Variants in TRDN observed in about 807,000 individuals in gnomAD.
TRDN encodes triadin in skeletal muscle.
In TRDN, 161 loss-of-function variants were observed where a neutral mutation model predicts 149.7. The ratio of observed to expected loss-of-function variants is 1.08; its 90% CI spans 0.95 to 1.23. The LOEUF (loss-of-function observed/expected upper bound fraction) is 1.23. Ranked by LOEUF, TRDN falls within the 50% of genes most tolerant of loss-of-function variation. The probability of loss-of-function intolerance (pLI) is 0.00; values close to 1 mark genes in which losing one functional copy is unlikely to be tolerated. For synonymous variants in TRDN, 294 were observed against 250.5 expected (o/e 1.17, Z -1.64); for missense variants, 896 against 823.5 (o/e 1.09, Z -1.08).
At chr6:123,260,495 G>A (rs1562234653) in intron 34 of TRDN, 117 bp downstream of exon 34, 2 of 1,150,046 alleles carry the variant, frequency 1.7e-6, no homozygotes, top group Non-Finnish European at 2.4e-6. Flanking sequence ...CTGTAGAACA[G>A]AATATCTGGA....
At chr6:123,289,311 C>T (rs1777916140) in intron 24 of TRDN, among the ~76,000 whole-genome samples, 1 of 151,258 alleles carries the variant, frequency 6.6e-6, no homozygotes, top group Non-Finnish European at 1.5e-5. Flanking sequence ...AAGGTGGTTA[C>T]CAGAGGGTAG....
At chr6:123,458,285 G>T (rs1270303788) in intron 10 of TRDN, among the ~76,000 whole-genome samples, 2 of 152,134 alleles carry the variant, frequency 1.3e-5, no homozygotes, top group Non-Finnish European at 1.5e-5. Context: ...ATTCGGGTAG[G>T]CTTTGGTAAC....
chr6:123,247,912 T>C (rs1169183162), intron 38 of TRDN, among the ~76,000 whole-genome samples: 3 of 151,924 alleles, frequency 2.0e-5, no homozygotes, highest in Non-Finnish European at 2.9e-5. Context: ...TATAGACCAA[T>C]GGGACAGAAC....
intron 23 of TRDN, among the ~76,000 whole-genome samples, chr6:123,327,428 A>G (rs1399692211): frequency 6.6e-6 from 1 of 152,122 alleles, no homozygotes; most frequent in Non-Finnish European, 1.5e-5. Context: ...ATGAATCTAT[A>G]CATTACTTTA....
intron 12 of TRDN, among the ~76,000 whole-genome samples, chr6:123,410,356 C>T (rs1254891571): frequency 6.6e-6 from 1 of 152,120 alleles, no homozygotes; most frequent in Non-Finnish European, 1.5e-5. Flanking sequence ...TCCCCTTTTG[C>T]AAGCACCTAG....
chr6:123,443,708 G>A (rs1048361977), intron 10 of TRDN, among the ~76,000 whole-genome samples: 11 of 151,076 alleles, frequency 7.3e-5, no homozygotes, highest in South Asian at 2.1e-4. Context: ...AAGGTGTAAG[G>A]AAGGCATCTA....
intron 10 of TRDN, among the ~76,000 whole-genome samples, chr6:123,460,011 G>A (rs1776359356): frequency 6.6e-6 from 1 of 152,184 alleles, no homozygotes; most frequent in Admixed American, 6.5e-5. Flanking sequence ...CCCATGGGCA[G>A]TATTCTCCTA....
intron 13 of TRDN, among the ~76,000 whole-genome samples, chr6:123,391,491 A>C (rs1782111853): frequency 6.6e-6 from 1 of 151,976 alleles, no homozygotes; most frequent in African/African-American, 2.4e-5. Flanking sequence ...CTCATGTCTT[A>C]ATAGAAACAA....
intron 24 of TRDN, among the ~76,000 whole-genome samples, chr6:123,293,499 T>C (rs972772271): frequency 6.6e-6 from 1 of 152,030 alleles, no homozygotes; most frequent in Admixed American, 6.6e-5. Flanking sequence ...TAGGAGACCA[T>C]ATATGGTGCA....
intron 12 of TRDN, among the ~76,000 whole-genome samples, chr6:123,411,297 G>A (rs946091273): frequency 2.6e-5 from 4 of 151,898 alleles, no homozygotes; most frequent in African/African-American, 9.7e-5. Context: ...CGCCTGCCTC[G>A]GCTTCCCAAA....
chr6:123,289,741 C>A (rs896268156), intron 24 of TRDN, among the ~76,000 whole-genome samples: 1 of 152,120 alleles, frequency 6.6e-6, no homozygotes, highest in Non-Finnish European at 1.5e-5. Flanking sequence ...TACTCTCTGC[C>A]TATGGGGTAG....
At chr6:123,612,139 C>T (rs1410761270) in intron 1 of TRDN, among the ~76,000 whole-genome samples, 1 of 149,830 alleles carries the variant, frequency 6.7e-6, no homozygotes, top group Non-Finnish European at 1.5e-5. Flanking sequence ...ACCTGTAATC[C>T]CAGCACTTTG....
At chr6:123,607,967 G>A (rs1256366429) in intron 1 of TRDN, among the ~76,000 whole-genome samples, 4 of 151,562 alleles carry the variant, frequency 2.6e-5, no homozygotes, top group African/African-American at 9.7e-5. Context: ...TGGATTATAG[G>A]CATGAGCCTC....
intron 35 of TRDN, among the ~76,000 whole-genome samples, chr6:123,256,184 G>A (rs910632999): frequency 3.9e-5 from 6 of 152,140 alleles, no homozygotes; most frequent in South Asian, 2.1e-4. Flanking sequence ...GTGAGAAAAT[G>A]CAGTGTGTGG....
Position 123,217,961 on chromosome 6 carries a change from C to T in TRDN, c.*640G>A, listed in dbSNP as rs982933243. On this transcript the variant is annotated 3_prime_UTR_variant, in exon 41 of 41. Transcript: ENST00000334268. ...AGACATATCTTAAAGATTTATCAAG[C>T]ATTTACTCTCCACCTTACCATGTCT... is the stretch of plus-strand genomic sequence containing the variant. 3 of 151,896 alleles carry T rather than the reference C, an allele frequency of 2.0e-5. No homozygotes were observed. Among genetic ancestry groups the T allele is most frequent in the African/African-American group, 7.2e-5 (3 of 41,398 alleles). The allele number at this position is 151,896 out of a possible 1,614,324, so 9.4% of individuals were successfully genotyped here.
At chr6:123,302,962 T>C (rs1216452122) in intron 24 of TRDN, among the ~76,000 whole-genome samples, 1 of 152,194 alleles carries the variant, frequency 6.6e-6, no homozygotes, top group Non-Finnish European at 1.5e-5. Flanking sequence ...TGATATATTT[T>C]ATATGTTTAT....
chr6:123,434,195 C>T (rs541094372), intron 12 of TRDN, among the ~76,000 whole-genome samples: 4 of 152,220 alleles, frequency 2.6e-5, no homozygotes, highest in African/African-American at 9.6e-5. Flanking sequence ...TGAATTTTAT[C>T]ATCTTGGACA....
intron 14 of TRDN, among the ~76,000 whole-genome samples, chr6:123,383,917 G>A (rs7752950): frequency 6.6e-6 from 1 of 152,040 alleles, no homozygotes; most frequent in Admixed American, 6.6e-5. Flanking sequence ...CATTTGCTTA[G>A]TCATCATTTG....
chr6:123,424,008 G>A (rs1225877792), intron 12 of TRDN, among the ~76,000 whole-genome samples: 1 of 152,162 alleles, frequency 6.6e-6, no homozygotes, highest in Non-Finnish European at 1.5e-5. Context: ...CATGGTTAGA[G>A]TTTAGGGGAA....
Sources: allele counts gnomAD v4.1 joint callset (sites outside exome capture counted in the v4.1 genomes callset), GRCh38; gene constraint gnomAD v4.1.1; transcripts MANE v1.5; gene names NCBI Gene and HGNC (gene_info 2026-07-23, HGNC 2026-07-21).